The following CLIP4 variants were observed in gnomAD, a reference collection of about 807,000 sequenced individuals.
CLIP4 encodes CAP-Gly domain-containing linker protein 4.
CLIP4 carries 47 observed loss-of-function variants against 73.1 expected under a neutral mutation model. That is an observed-to-expected ratio of 0.64 (90% CI 0.51 to 0.82). CLIP4 has a LOEUF of 0.82. Among genes scored for constraint, CLIP4 ranks in the 40% least tolerant of loss-of-function variants. CLIP4 has a pLI of 0.00. For missense variants in CLIP4, 874 were observed against 852.9 expected (o/e 1.02, Z -0.31); for synonymous variants, 306 against 295.4 (o/e 1.04, Z -0.37).
intron 1 of CLIP4, among the ~76,000 whole-genome samples, chr2:29,103,330 T>A (rs1482784996): frequency 6.6e-6 from 1 of 151,982 alleles, no homozygotes; most frequent in Non-Finnish European, 1.5e-5. Context: ...ACAAAGCCTG[T>A]TCTTAATGAC....
intron 1 of CLIP4, among the ~76,000 whole-genome samples, chr2:29,119,901 G>A (rs1196997308): frequency 2.0e-5 from 3 of 152,100 alleles, no homozygotes; most frequent in Admixed American, 2.0e-4. Context: ...AGTTATTAGT[G>A]GTATTTTATT....
chr2:29,161,037 T>C (rs1436461714), intron 12 of CLIP4, among the ~76,000 whole-genome samples: 1 of 152,252 alleles, frequency 6.6e-6, no homozygotes, highest in African/African-American at 2.4e-5. Context: ...TGCAATGGCA[T>C]GATCTCAGCT....
Position 29,176,445 on chromosome 2 carries a change from G to T in CLIP4, c.1796+2000G>T, listed in dbSNP as rs148384862. Among the ~76,000 whole-genome samples, 4 of 152,344 alleles carry T rather than the reference G, an allele frequency of 2.6e-5. No homozygotes were observed. In the East Asian group the frequency reaches 7.7e-4, roughly 29 times the overall value. On this transcript the variant is annotated intron_variant, in intron 15 of 15. Transcript: ENST00000320081. ...GATGGACATTCTTGGGTAGAAACTT[G>T]AAGGCCTTGGAGGGCACGTTTGGCC...
At chr2:29,150,038 G>A (rs976925268) in intron 8 of CLIP4, among the ~76,000 whole-genome samples, 1 of 151,856 alleles carries the variant, frequency 6.6e-6, no homozygotes, top group Admixed American at 6.6e-5. Context: ...TCGTCTTTTT[G>A]CCTGTGTGAT....
intron 1 of CLIP4, among the ~76,000 whole-genome samples, chr2:29,101,471 T>C (rs1459774096): frequency 6.6e-6 from 1 of 152,020 alleles, no homozygotes; most frequent in Non-Finnish European, 1.5e-5. Flanking sequence ...ATAGGGGGAA[T>C]GATGGAGCCC....
chr2:29,105,070 T>C (rs1285999639), intron 1 of CLIP4, among the ~76,000 whole-genome samples: 4 of 152,192 alleles, frequency 2.6e-5, no homozygotes, highest in Admixed American at 2.6e-4. Context: ...ACCAAGTGGT[T>C]AAAATGATGA....
chr2:29,181,615 G>A lies in CLIP4; in HGVS notation c.1840G>A (p.Ala614Thr), dbSNP rs758190615. Residue 614 changes from alanine (A) to threonine (T), a missense_variant, in exon 16 of 16, where the codon GCA (alanine) becomes ACA (threonine). Physicochemically the swap from Ala to Thr is moderately conservative, Grantham distance 58 (BLOSUM62 0). Transcript: ENST00000320081. ...TCGCAGTTGGAGCAGCACCCCCACC[G>A]CAGGTGGCATTGAAGGGAGCGTGAA... ...LRRSWSSTPT[A>T]GGIEGSVKLH... is the part of the protein sequence containing the mutation. The A allele has an allele frequency of 3.1e-6, 5 of 1,613,130 alleles. No homozygotes were observed. In the Admixed American group the frequency reaches 6.7e-5, roughly 22 times the overall value.
At chr2:29,146,409 ACT>A (rs1666168863) in intron 8 of CLIP4, among the ~76,000 whole-genome samples, 1 of 151,786 alleles carries the variant, frequency 6.6e-6, no homozygotes, top group Admixed American at 6.6e-5. Flanking sequence ...TTTCTTTGAA[ACT>A]CTGCGAGGTT....
intron 6 of CLIP4, among the ~76,000 whole-genome samples, chr2:29,135,993 T>C (rs571893252): frequency 9.2e-5 from 14 of 152,354 alleles, no homozygotes; most frequent in East Asian, 1.9e-4. Context: ...ATTACAGTTA[T>C]ATTTTTCTGT....
intron 6 of CLIP4, among the ~76,000 whole-genome samples, chr2:29,141,526 T>C (rs1665765532): frequency 6.6e-6 from 1 of 152,252 alleles, no homozygotes; most frequent in Non-Finnish European, 1.5e-5. Context: ...TGTGTATATT[T>C]AGGATAGTTA....
chr2:29,170,798 ATTTT>A (rs919675377), intron 14 of CLIP4, among the ~76,000 whole-genome samples: 2 of 148,016 alleles, frequency 1.4e-5, no homozygotes, highest in African/African-American at 4.9e-5. Context: ...CTGTGTCTAG[ATTTT>A]TTTTTTTCAC....
intron 1 of CLIP4, among the ~76,000 whole-genome samples, chr2:29,121,053 C>T (rs993708371): frequency 6.6e-6 from 1 of 152,136 alleles, no homozygotes; most frequent in African/African-American, 2.4e-5. Context: ...TTAATACGCC[C>T]TTGTTTGTTA....
intron 1 of CLIP4, among the ~76,000 whole-genome samples, chr2:29,117,173 C>T (rs1663912340): frequency 6.6e-6 from 1 of 152,118 alleles, no homozygotes; most frequent in African/African-American, 2.4e-5. Flanking sequence ...TCCTTCAGTG[C>T]TGTTTAGAAG....
intron 12 of CLIP4, among the ~76,000 whole-genome samples, chr2:29,160,999 A>C (rs143335295): frequency 0.033 from 4,989 of 151,320 alleles, 117 homozygotes; most frequent in Middle Eastern, 0.058. Flanking sequence ...TTTGAGACGG[A>C]GCTTCGCTCT....
intron 6 of CLIP4, 102 bp from the exon 7 acceptor site, chr2:29,143,607 T>C: frequency 1.3e-6 from 1 of 783,372 alleles, no homozygotes; most frequent in Non-Finnish European, 2.2e-6. Context: ...AATAAACAAA[T>C]GATGAATGAA....
intron 1 of CLIP4, among the ~76,000 whole-genome samples, 197 bp from the exon 2 acceptor site, chr2:29,121,177 A>G (rs979084482): frequency 9.2e-5 from 14 of 152,190 alleles, no homozygotes; most frequent in Admixed American, 6.5e-4. Context: ...ACCGACTGGT[A>G]TAAGAGGTGG....
At chr2:29,164,008 G>C in intron 13 of CLIP4, 54 bp downstream of exon 13, 1 of 1,431,808 alleles carries the variant, frequency 7.0e-7, no homozygotes, top group Middle Eastern at 1.8e-4. Flanking sequence ...ATCTGCAGTG[G>C]TTAATAGAGA....
chr2:29,130,901 G>A (rs894348229), intron 2 of CLIP4: 7 of 1,290,594 alleles, frequency 5.4e-6, no homozygotes, highest in Non-Finnish European at 7.1e-6. Context: ...AGTTACCTCA[G>A]CAAGTAGAAT....
intron 4 of CLIP4, among the ~76,000 whole-genome samples, chr2:29,133,155 T>C (rs958330138): frequency 6.6e-6 from 1 of 152,168 alleles, no homozygotes; most frequent in Non-Finnish European, 1.5e-5. Context: ...ATCACTACAC[T>C]GCAATCTGGG....
Sources: gnomAD v4.1 joint callset for allele counts (sites outside exome capture counted in the v4.1 genomes callset) on GRCh38, gnomAD v4.1.1 for gene constraint, MANE v1.5 for transcripts, NCBI Gene and HGNC (gene_info 2026-07-23, HGNC 2026-07-21) for gene names.